CPLX2: variants seen among roughly 807,000 people sequenced by gnomAD.
CPLX2 encodes the protein complexin 2, also known as complexin-2.
A neutral mutation model predicts 16.3 loss-of-function variants in CPLX2; 5 were observed. The observed-to-expected ratio is 0.31, with a 90% CI of 0.16 to 0.64. The LOEUF (loss-of-function observed/expected upper bound fraction) is 0.64. Ranked by LOEUF, CPLX2 falls within the 30% of genes least tolerant of loss-of-function variation. CPLX2 has a pLI of 0.79. For synonymous variants in CPLX2, 89 were observed against 73.2 expected, an observed-to-expected ratio of 1.22 and a Z score of -1.10; for missense variants, 144 against 181.4, an observed-to-expected ratio of 0.79 and a Z score of 1.18.
At chr5:175,808,355 G>A (rs539233775) in intron 1 of CPLX2, among the ~76,000 whole-genome samples, 8 of 152,138 alleles carry the variant, frequency 5.3e-5, no homozygotes, top group Middle Eastern at 3.4e-3. Context: ...GCCCGGCCCC[G>A]TGCAGAGCTC....
rs556007716 is a variant in CPLX2 at position 175,851,208 on chromosome 5, C to T, written c.-88-27444C>T. ...GGTACCCTCAGGTTGAAAGGTGGCC[C>T]CCTTTGGTTTGAGCTGGGGAGCCCC... On this transcript the variant is annotated intron_variant, in intron 2 of 4. Transcript: ENST00000359546. Among the ~76,000 whole-genome samples, 138 of 152,084 alleles carry T rather than the reference C, an allele frequency of 9.1e-4. 3 individuals carry two copies. The highest frequency in any genetic ancestry group is 3.4e-4 in the Non-Finnish European group (23 of 68,006).
intron 2 of CPLX2, among the ~76,000 whole-genome samples, chr5:175,841,447 C>T (rs1209587353): frequency 6.6e-6 from 1 of 152,214 alleles, no homozygotes; most frequent in African/African-American, 2.4e-5. Context: ...AAGTGCACAT[C>T]AGAAACAGCC....
At chr5:175,827,708 T>A (rs1289344708) in intron 2 of CPLX2, among the ~76,000 whole-genome samples, 1 of 152,128 alleles carries the variant, frequency 6.6e-6, no homozygotes, top group Non-Finnish European at 1.5e-5. Context: ...TGCAGTGAGC[T>A]GAGATCACGC....
chr5:175,868,878 C>G (rs552982020), upstream of CPLX2, among the ~76,000 whole-genome samples: 15 of 152,264 alleles, frequency 9.9e-5, no homozygotes, highest in African/African-American at 3.4e-4. Context: ...GGTCTGGAAC[C>G]CTGGCTCTGC....
At chr5:175,871,415 G>GAGAGAGAGAGAGAGAGAC (rs1759594515), upstream of CPLX2, 1 of 102,396 alleles carries the variant, frequency 9.8e-6, no homozygotes, top group Non-Finnish European at 2.0e-5. Context: ...AGAGAGGAGA[G>GAGAGAGAGAGAGAGAGAC]AGAGAGAGAG....
At chr5:175,869,192 T>G (rs895631030), upstream of CPLX2, among the ~76,000 whole-genome samples, 1 of 152,222 alleles carries the variant, frequency 6.6e-6, no homozygotes. Context: ...GATTTACCCC[T>G]TATTGTGCAA....
At position 175,872,923 on chromosome 5, in the gene CPLX2, G is replaced by A. The variant is rs2113707517; in HGVS notation, c.-89+1218G>A. The A allele has an allele frequency of 1.3e-5, 2 of 152,368 alleles. No individual in the cohort carries two copies. Among genetic ancestry groups the A allele is most frequent in the South Asian group, 4.1e-4 (2 of 4,830 alleles). 9.4% of individuals were successfully genotyped at this position (152,368 alleles called of 1,614,324 possible). On this transcript the variant is annotated intron_variant, in intron 1 of 3. Coordinates refer to ENST00000393745, the MANE Select transcript of CPLX2 (RefSeq NM_001008220.2). The surrounding 1 kb of genome is among the most constrained non-coding windows in gnomAD (Gnocchi z 5.0). Reference sequence around the variant, plus strand: ...CCGAAAACCTCTAGGGGCTCAGATGGTCGAGCCTGAGTCGGTGCTTGGGCT... The same window carrying A: ...CCGAAAACCTCTAGGGGCTCAGATGATCGAGCCTGAGTCGGTGCTTGGGCT...
At chr5:175,875,271 T>C (rs1759730568) in intron 1 of CPLX2, among the ~76,000 whole-genome samples, 1 of 151,612 alleles carries the variant, frequency 6.6e-6, no homozygotes, top group African/African-American at 2.4e-5. Context: ...AAGCAACATA[T>C]GGAGAGGGAT....
chr5:175,831,223 T>C (rs910762879), intron 2 of CPLX2, among the ~76,000 whole-genome samples: 1 of 152,162 alleles, frequency 6.6e-6, no homozygotes, highest in African/African-American at 2.4e-5. Context: ...TGGAAATACA[T>C]GGGCAGAATG....
chr5:175,835,672 G>C (rs951218261), intron 2 of CPLX2, among the ~76,000 whole-genome samples: 1 of 146,984 alleles, frequency 6.8e-6, no homozygotes, highest in South Asian at 2.2e-4. Context: ...ATTTAAGTGA[G>C]TTAGTAAGAG....
rs971951390 is a variant in CPLX2, at chr5:175,826,112, G to A, written c.-89+17044G>A. Among the ~76,000 whole-genome samples, 5 of 152,126 alleles carry A rather than the reference G, an allele frequency of 3.3e-5. No homozygotes were observed. The South Asian group carries it at 8.3e-4, about 25-fold the overall frequency. Reference sequence around the variant, plus strand: ...GAGCACTGACTAGCGGCACCACGAGGTTAGAGGGCTGCGATAAAGGTGTGT... The same window carrying A: ...GAGCACTGACTAGCGGCACCACGAGATTAGAGGGCTGCGATAAAGGTGTGT... On this transcript the variant is annotated intron_variant, in intron 2 of 4. Transcript: ENST00000359546.
At chr5:175,812,378 A>T (rs1231372982) in intron 2 of CPLX2, among the ~76,000 whole-genome samples, 1 of 152,216 alleles carries the variant, frequency 6.6e-6, no homozygotes, top group East Asian at 1.9e-4. Context: ...TCTGTCTCTC[A>T]CACGGGTCTG....
At chr5:175,851,579 G>C (rs1302106946) in intron 2 of CPLX2, among the ~76,000 whole-genome samples, 1 of 152,212 alleles carries the variant, frequency 6.6e-6, no homozygotes. Context: ...TCCTCTGCAA[G>C]GCCCACAGAG....
In CPLX2 at chr5:175,881,359, G is replaced by A. The variant is rs1755592778; in HGVS notation, c.*1314G>A. On this transcript the variant is annotated 3_prime_UTR_variant, in exon 4 of 4. Coordinates refer to ENST00000393745, the MANE Select transcript of CPLX2 (RefSeq NM_001008220.2). Reference sequence around the variant, plus strand: ...GTGTATGTTAGCCTTGTGTATGTGTGCTTGATTGAGGTGGTGTATTTGGGT... The same window carrying A: ...GTGTATGTTAGCCTTGTGTATGTGTACTTGATTGAGGTGGTGTATTTGGGT... 6.5e-6 allele frequency: 1 copy of A among 153,406 alleles called. No individual in the cohort carries two copies. The highest frequency in any genetic ancestry group is 2.4e-5 in the African/African-American group (1 of 41,432). 9.5% of individuals were successfully genotyped at this position (153,406 alleles called of 1,614,324 possible). A position where few individuals can be genotyped will look rare whatever the true frequency, so the allele number is the denominator to read the frequency against.
intron 2 of CPLX2, among the ~76,000 whole-genome samples, chr5:175,865,419 A>G (rs1326583473): frequency 6.6e-6 from 1 of 152,214 alleles, no homozygotes; most frequent in Non-Finnish European, 1.5e-5. Flanking sequence ...ATCTTCACAA[A>G]TGTAGGCGAC....
intron 2 of CPLX2, among the ~76,000 whole-genome samples, chr5:175,817,524 A>G (rs575440827): frequency 6.6e-6 from 1 of 152,176 alleles, no homozygotes; most frequent in African/African-American, 2.4e-5. Flanking sequence ...TCCTATTTGC[A>G]CACCTCTGAT....
At chr5:175,873,801 G>C (rs1287197482) in intron 1 of CPLX2, among the ~76,000 whole-genome samples, 2 of 152,218 alleles carry the variant, frequency 1.3e-5, no homozygotes, top group African/African-American at 4.8e-5. Flanking sequence ...CTTGGGAATA[G>C]GTGTTGTTGT....
chr5:175,822,230 T>G (rs1758523922), intron 2 of CPLX2, among the ~76,000 whole-genome samples: 1 of 152,212 alleles, frequency 6.6e-6, no homozygotes, highest in Non-Finnish European at 1.5e-5. Context: ...GACGTACTTT[T>G]GAGTTTTGTC....
At chr5:175,879,109 T>A in intron 3 of CPLX2, 26 bp downstream of exon 3, 13 of 1,547,976 alleles carry the variant, frequency 8.4e-6, no homozygotes, top group African/African-American at 1.4e-5. Flanking sequence ...CCGCCCGTCC[T>A]GGGGAGGGCC....
Sources: allele counts gnomAD v4.1 joint callset (sites outside exome capture counted in the v4.1 genomes callset), GRCh38; gene constraint gnomAD v4.1.1; non-coding constraint Gnocchi (gnomAD v3.1); transcripts MANE v1.5; gene names NCBI Gene and HGNC (gene_info 2026-07-23, HGNC 2026-07-21).